The following FGD3 variants were observed in gnomAD, a reference collection of about 807,000 sequenced individuals.
FGD3 encodes the protein FYVE, RhoGEF and PH domain containing 3, also known as FYVE, RhoGEF and PH domain-containing protein 3.
FGD3 carries 45 observed loss-of-function variants against 71.8 expected under a neutral mutation model. The ratio of observed to expected loss-of-function variants is 0.63; its 90% CI spans 0.49 to 0.80. The LOEUF (loss-of-function observed/expected upper bound fraction) is 0.80. Among genes scored for constraint, FGD3 ranks in the 30% least tolerant of loss-of-function variants. FGD3 has a pLI of 0.00. For missense variants in FGD3, 844 were observed against 951.5 expected, an observed-to-expected ratio of 0.89 and a Z score of 1.49; for synonymous variants, 378 against 392.8, an observed-to-expected ratio of 0.96 and a Z score of 0.44.
At chr9:92,971,566 C>CTTT (rs869043960) in intron 1 of FGD3, among the ~76,000 whole-genome samples, 30 of 39,576 alleles carry the variant, frequency 7.6e-4, no homozygotes, top group South Asian at 1.3e-3. Flanking sequence ...CTTTTCTTTT[C>CTTT]TTTTTTTTTT....
chr9:92,952,692 CCCTTCTTTCTCTCTTT>C (rs1313256303), intron 1 of FGD3, among the ~76,000 whole-genome samples: 4 of 151,864 alleles, frequency 2.6e-5, no homozygotes, highest in African/African-American at 4.8e-5. Context: ...CTCACTCCCT[CCCTTCTTTCTCTCTTT>C]CCTTCTTTCT....
chr9:92,999,142 C>T (rs567331579), intron 3 of FGD3, among the ~76,000 whole-genome samples: 48 of 152,310 alleles, frequency 3.2e-4, no homozygotes, highest in Non-Finnish European at 6.3e-4. Flanking sequence ...TTCCCGGCGG[C>T]TTTGTTTACC....
At chr9:93,032,994 A>T (rs771064743) in intron 16 of FGD3, 121 bp downstream of exon 16, 3 of 987,678 alleles carry the variant, frequency 3.0e-6, no homozygotes, top group African/African-American at 3.2e-5. Context: ...ACCAGGATAG[A>T]TGTGGGTGTG....
At chr9:92,951,380 A>G (rs1423309680) in intron 1 of FGD3, among the ~76,000 whole-genome samples, 1 of 152,184 alleles carries the variant, frequency 6.6e-6, no homozygotes, top group Non-Finnish European at 1.5e-5. Context: ...GTAACTTCCT[A>G]AAATAAAGTT....
chr9:92,981,945 CAT>C (rs2118603609), intron 3 of FGD3, among the ~76,000 whole-genome samples: 1 of 152,190 alleles, frequency 6.6e-6, no homozygotes, highest in African/African-American at 2.4e-5. Context: ...TGGCAATTAA[CAT>C]AGCCATCATT....
chr9:92,949,395 G>A (rs1858912170), intron 1 of FGD3, among the ~76,000 whole-genome samples: 1 of 152,168 alleles, frequency 6.6e-6, no homozygotes, highest in African/African-American at 2.4e-5. Context: ...TGTCTGACAA[G>A]CGCCTGCCAG....
chr9:92,958,926 C>T (rs1288964438), intron 1 of FGD3, among the ~76,000 whole-genome samples: 4 of 152,168 alleles, frequency 2.6e-5, no homozygotes, highest in African/African-American at 9.7e-5. Flanking sequence ...TATGTCAATA[C>T]CACATTGTCT....
chr9:93,021,376 C>T (rs1328043783), intron 13 of FGD3, among the ~76,000 whole-genome samples: 2 of 152,124 alleles, frequency 1.3e-5, no homozygotes, highest in African/African-American at 4.8e-5. Context: ...GGCTGCAGCC[C>T]CAGGGCCAAT....
chr9:93,001,174 G>A (rs980711056), intron 3 of FGD3, among the ~76,000 whole-genome samples: 1 of 151,788 alleles, frequency 6.6e-6, no homozygotes, highest in Non-Finnish European at 1.5e-5. Context: ...TTCTCACTTT[G>A]TTCATGCATC....
chr9:93,027,814 G>C (rs1303590489), intron 14 of FGD3, among the ~76,000 whole-genome samples: 1 of 142,580 alleles, frequency 7.0e-6, no homozygotes, highest in African/African-American at 2.7e-5. Flanking sequence ...TGACCTCCCA[G>C]GCTCAAGCGA....
chr9:92,980,030 AT>A (rs34335043), intron 3 of FGD3, among the ~76,000 whole-genome samples: 177 of 144,970 alleles, frequency 1.2e-3, no homozygotes, highest in Middle Eastern at 3.5e-3. Flanking sequence ...AATAGAATAG[AT>A]TTTTTTTTTT....
chr9:92,975,969 GAACA>G (rs1014206110), intron 2 of FGD3, among the ~76,000 whole-genome samples: 6 of 152,104 alleles, frequency 3.9e-5, no homozygotes, highest in Admixed American at 3.3e-4. Context: ...TTTTTATGCG[GAACA>G]AACAATTTTA....
At chr9:93,000,373 C>G (rs1014730610) in intron 3 of FGD3, among the ~76,000 whole-genome samples, 1 of 152,204 alleles carries the variant, frequency 6.6e-6, no homozygotes, top group African/African-American at 2.4e-5. Context: ...TTCACCTTCA[C>G]TGAAGAACTT....
At chr9:92,968,470 A>ACCC (rs935366487) in intron 1 of FGD3, among the ~76,000 whole-genome samples, 3 of 151,000 alleles carry the variant, frequency 2.0e-5, no homozygotes, top group Non-Finnish European at 4.4e-5. Flanking sequence ...GATGATGGAG[A>ACCC]CCCCTCCTCC....
chr9:93,034,686 G>C lies in FGD3; in HGVS notation c.1926+5G>C, dbSNP rs541397471. The C allele has an allele frequency of 1.9e-6, 3 of 1,611,522 alleles. No individual in the cohort carries two copies. The highest frequency in any genetic ancestry group is 2.5e-6 in the Non-Finnish European group (3 of 1,179,160). The stretch of plus-strand genomic sequence containing the variant: ...CACCTGCAGGGAGGCAGCCAGGTAC[G>C]TGTCCCCACCCCACCAGGCCCTCAG... On this transcript the variant is annotated splice_donor_5th_base_variant and intron_variant, in intron 17 of 17. Coordinates refer to ENST00000375482, the MANE Select transcript of FGD3 (RefSeq NM_001083536.2).
rs577140695 is a variant in FGD3, at chr9:93,003,420, C to T, written c.543+406C>T. On this transcript the variant is annotated intron_variant, in intron 4 of 17. Transcript: ENST00000375482. The surrounding 1 kb of genome is among the most constrained non-coding windows in gnomAD (Gnocchi z 4.1). ...CTGGGATTACAGGCGTGAGCCACCACGCCCGTCCTAGAAACTTATTTTTTG... is the reference window on the plus strand; with the variant it reads ...CTGGGATTACAGGCGTGAGCCACCATGCCCGTCCTAGAAACTTATTTTTTG... Among the ~76,000 whole-genome samples the T allele has an allele frequency of 2.6e-5, 4 of 152,376 alleles. No homozygotes were observed. The highest frequency in any genetic ancestry group is 3.9e-4 in the East Asian group (2 of 5,184).
At chr9:93,007,441 G>C (rs1308015164) in intron 6 of FGD3, among the ~76,000 whole-genome samples, 1 of 152,098 alleles carries the variant, frequency 6.6e-6, no homozygotes, top group African/African-American at 2.4e-5. Context: ...AAAATGTAAA[G>C]CTTATTTTCA....
At chr9:93,027,724 T>C (rs1464948630) in intron 14 of FGD3, among the ~76,000 whole-genome samples, 3 of 142,700 alleles carry the variant, frequency 2.1e-5, no homozygotes, top group Non-Finnish European at 4.6e-5. Context: ...TCTTTTTTTT[T>C]TTTTTTTTTT....
intron 9 of FGD3, among the ~76,000 whole-genome samples, chr9:93,015,225 G>A (rs896862147): frequency 1.3e-5 from 2 of 152,122 alleles, no homozygotes; most frequent in African/African-American, 4.8e-5. Flanking sequence ...GGAGGCTGAG[G>A]TGGGCGGATC....
Sources: gnomAD v4.1 joint callset for allele counts (sites outside exome capture counted in the v4.1 genomes callset) on GRCh38, gnomAD v4.1.1 for gene constraint, Gnocchi (gnomAD v3.1) non-coding constraint, MANE v1.5 for transcripts, NCBI Gene and HGNC (gene_info 2026-07-23, HGNC 2026-07-21) for gene names.